ASTN1: variants seen among roughly 807,000 people sequenced by gnomAD.
ASTN1 encodes the protein astrotactin 1.
In ASTN1, 41 loss-of-function variants were observed where a neutral mutation model predicts 140.7. The observed-to-expected ratio is 0.29, with a 90% CI of 0.23 to 0.38. The LOEUF (loss-of-function observed/expected upper bound fraction) is 0.38. Ranked by LOEUF, ASTN1 falls within the 10% of genes least tolerant of loss-of-function variation. The probability of loss-of-function intolerance (pLI) is 1.00; values close to 1 mark genes in which losing one functional copy is unlikely to be tolerated. For synonymous variants in ASTN1, 640 were observed against 652.2 expected, an observed-to-expected ratio of 0.98 and a Z score of 0.29; for missense variants, 1,479 against 1,678.8, an observed-to-expected ratio of 0.88 and a Z score of 2.08.
At chr1:177,016,331 AG>A (rs1183039591) in intron 7 of ASTN1, among the ~76,000 whole-genome samples, 2 of 148,174 alleles carry the variant, frequency 1.3e-5, no homozygotes, top group Non-Finnish European at 3.0e-5. Context: ...AAAAAAAAAA[AG>A]CCCACAGGGA....
At chr1:177,049,094 G>A (rs571396026) in intron 2 of ASTN1, among the ~76,000 whole-genome samples, 2 of 152,336 alleles carry the variant, frequency 1.3e-5, no homozygotes, top group South Asian at 4.1e-4. Flanking sequence ...ATGGAAGAAA[G>A]TTTTTTCATG....
chr1:177,073,522 GCCT>G (rs1678745505), intron 1 of ASTN1, among the ~76,000 whole-genome samples: 1 of 149,482 alleles, frequency 6.7e-6, no homozygotes, highest in African/African-American at 2.5e-5. Context: ...CTCTTAGTCT[GCCT>G]TGTATCAGGA....
chr1:177,144,231 G>A (rs1043227684), intron 1 of ASTN1, among the ~76,000 whole-genome samples: 1 of 151,032 alleles, frequency 6.6e-6, no homozygotes, highest in African/African-American at 2.4e-5. Context: ...GTCCGGAGAT[G>A]AGATGGAAGT....
chr1:176,914,144 G>A lies in ASTN1; in HGVS notation c.2672-19314C>T, dbSNP rs962550226. Among the ~76,000 whole-genome samples the A allele has an allele frequency of 1.7e-4, 26 of 152,086 alleles. 1 individual carries two copies. Among genetic ancestry groups the A allele is most frequent in the Admixed American group, 1.4e-3 (22 of 15,272 alleles). On this transcript the variant is annotated intron_variant, in intron 16 of 22. Coordinates refer to ENST00000361833, the MANE Select transcript of ASTN1 (RefSeq NM_004319.3). ...TTCCTATTTCAGAGATGACAAAACC[G>A]GGCAACAGAGAGGTTTATTACTTTG...
At chr1:176,907,195 C>T (rs539705621) in intron 16 of ASTN1, among the ~76,000 whole-genome samples, 23 of 152,216 alleles carry the variant, frequency 1.5e-4, no homozygotes, top group Non-Finnish European at 2.8e-4. Flanking sequence ...TTATCAGGCA[C>T]TCCAAGTGAT....
intron 9 of ASTN1, 23 bp downstream of exon 9, chr1:176,965,140 C>A (rs773137371): frequency 6.2e-7 from 1 of 1,609,382 alleles, no homozygotes; most frequent in East Asian, 2.2e-5. Context: ...CGTACATAAG[C>A]AAGTCCCTAG....
intron 1 of ASTN1, among the ~76,000 whole-genome samples, chr1:177,068,664 C>T (rs1470218096): frequency 6.6e-6 from 1 of 152,160 alleles, no homozygotes; most frequent in African/African-American, 2.4e-5. Context: ...TATTCAATGA[C>T]ACAAAACCAA....
intron 8 of ASTN1, among the ~76,000 whole-genome samples, chr1:176,996,283 T>A (rs1674436051): frequency 1.6e-5 from 2 of 121,970 alleles, no homozygotes; most frequent in South Asian, 2.6e-4. Context: ...TCTCTCTCTC[T>A]CTCTCTCACA....
In ASTN1 at chr1:176,884,475, C is replaced by T. The variant is rs781354760; in HGVS notation, c.3090G>A (p.Thr1030=). The T allele has an allele frequency of 9.9e-6, 16 of 1,612,708 alleles. No homozygotes were observed. The highest frequency in any genetic ancestry group is 5.3e-5 in the African/African-American group (4 of 74,880). ...CAAGAGTGCTGCTGGGCTCGTGAAC[C>T]GTGGAGAGTCTCAGCCTGTGTGCAG... ...PLPQPVLRLS[T]VHEPSSTLVV... Residue 1030 remains threonine (T), a synonymous_variant, in exon 19 of 23, where the codon ACG becomes ACA. Transcript: ENST00000361833.
At chr1:177,146,065 C>T (rs1682707277) in intron 1 of ASTN1, among the ~76,000 whole-genome samples, 1 of 152,068 alleles carries the variant, frequency 6.6e-6, no homozygotes, top group Non-Finnish European at 1.5e-5. Context: ...TAATAAGAAA[C>T]CCACTGCACG....
intron 1 of ASTN1, among the ~76,000 whole-genome samples, chr1:177,163,003 C>T (rs1375322494): frequency 6.6e-6 from 1 of 152,164 alleles, no homozygotes; most frequent in African/African-American, 2.4e-5. Context: ...AAGGGCCAGG[C>T]AATTTTTGAA....
intron 22 of ASTN1, among the ~76,000 whole-genome samples, chr1:176,866,270 A>G (rs1045137085): frequency 1.3e-5 from 2 of 152,202 alleles, no homozygotes; most frequent in African/African-American, 4.8e-5. Flanking sequence ...GGCTAAGAGT[A>G]AAGTGAGGTC....
downstream of ASTN1, chr1:176,857,641 C>T (rs760775577): frequency 4.4e-5 from 27 of 618,284 alleles, no homozygotes; most frequent in Middle Eastern, 4.0e-4. Context: ...TGTCCCAACA[C>T]GCTGGAAGCC....
At chr1:176,998,394 C>T (rs549506013) in intron 8 of ASTN1, among the ~76,000 whole-genome samples, 228 of 152,272 alleles carry the variant, frequency 1.5e-3, no homozygotes, top group Non-Finnish European at 2.1e-3. Flanking sequence ...ATCTCCCTCC[C>T]GCTCTTATAC....
In ASTN1 at chr1:177,032,478, C is replaced by A; in HGVS notation, c.843G>T (p.Lys281Asn). Residue 281 changes from lysine (K) to asparagine (N), a missense_variant, in exon 3 of 23, where the codon AAG (lysine) becomes AAT (asparagine). Lys to Asn is a moderately conservative substitution (Grantham distance 94). Coordinates refer to ENST00000361833, the MANE Select transcript of ASTN1 (RefSeq NM_004319.3). ...TLDSLQGCNEKSGMDLTPGSD... is the reference protein window; with the variant it reads ...TLDSLQGCNENSGMDLTPGSD... The stretch of plus-strand genomic sequence containing the variant: ...CACCTGGTGTGAGGTCCATCCCCGA[C>A]TTTTCATTGCAGCCCTGCAGGGAGT... The A allele has an allele frequency of 1.2e-6, 2 of 1,614,078 alleles. No homozygotes were observed. Among genetic ancestry groups the A allele is most frequent in the Non-Finnish European group, 1.7e-6 (2 of 1,179,984 alleles).
chr1:177,076,885 CT>C (rs1198483268), intron 1 of ASTN1, among the ~76,000 whole-genome samples: 2 of 152,114 alleles, frequency 1.3e-5, no homozygotes, highest in Non-Finnish European at 1.5e-5. Context: ...TGAGAAGTAG[CT>C]CACTCTGCCT....
chr1:176,877,078 G>C (rs887107275), intron 20 of ASTN1, among the ~76,000 whole-genome samples: 1 of 152,112 alleles, frequency 6.6e-6, no homozygotes, highest in African/African-American at 2.4e-5. Context: ...CCACTCAGGG[G>C]AAGAGTTTAT....
chr1:176,950,655 ATTAGAGCTAATCCT>A (rs984207971), intron 11 of ASTN1, among the ~76,000 whole-genome samples: 4 of 151,908 alleles, frequency 2.6e-5, no homozygotes, highest in Non-Finnish European at 5.9e-5. Context: ...GTACATTTGC[ATTAGAGCTAATCCT>A]TTCTAATAGG....
intron 2 of ASTN1, among the ~76,000 whole-genome samples, chr1:177,052,530 T>C (rs1199344713): frequency 1.3e-5 from 2 of 152,220 alleles, no homozygotes; most frequent in Non-Finnish European, 2.9e-5. Flanking sequence ...AAGATTTAAA[T>C]TGGTCTCTCT....
Sources: allele counts gnomAD v4.1 joint callset (sites outside exome capture counted in the v4.1 genomes callset), GRCh38; gene constraint gnomAD v4.1.1; transcripts MANE v1.5; gene names NCBI Gene and HGNC (gene_info 2026-07-23, HGNC 2026-07-21).